Variants in PTPN13 observed in about 807,000 individuals in gnomAD.
PTPN13 encodes tyrosine-protein phosphatase non-receptor type 13.
Under a neutral mutation model 284.0 loss-of-function variants are expected in PTPN13, and 191 were observed. The observed-to-expected ratio is 0.67, with a 90% CI of 0.60 to 0.76. The LOEUF (loss-of-function observed/expected upper bound fraction) is 0.76, where lower values mean the gene tolerates loss of function less well. PTPN13 is among the 30% of genes least tolerant of loss of function. The pLI, the probability that PTPN13 is intolerant of heterozygous loss-of-function variation, is 0.00. For synonymous variants in PTPN13, 986 were observed against 1,022.3 expected, an observed-to-expected ratio of 0.96 and a Z score of 0.68; for missense variants, 2,797 against 2,939.9, an observed-to-expected ratio of 0.95 and a Z score of 1.12.
intron 3 of PTPN13, among the ~76,000 whole-genome samples, chr4:86,674,969 C>A (rs1185245779): frequency 1.3e-5 from 2 of 152,090 alleles, no homozygotes; most frequent in Non-Finnish European, 2.9e-5. Flanking sequence ...ATTATGAATT[C>A]TTTCTGTAAG....
intron 2 of PTPN13, among the ~76,000 whole-genome samples, chr4:86,651,934 A>T (rs1352349596): frequency 6.6e-6 from 1 of 152,122 alleles, no homozygotes; most frequent in Non-Finnish European, 1.5e-5. Flanking sequence ...CCAATTAGCC[A>T]GATGCAGTGG....
In PTPN13 at chr4:86,767,140, C is replaced by T. The variant is rs562399252; in HGVS notation, c.4329+623C>T. ...GGGCGGGGGGTCTCCCTATGTTGCC[C>T]ATGCTGGTCTCGAACTCCTAGACAA... On this transcript the variant is annotated intron_variant, in intron 27 of 47. Transcript: ENST00000411767. 3.4e-4 allele frequency among the ~76,000 whole-genome samples: 51 copies of T among 151,968 alleles called. 1 individual carries two copies. Among genetic ancestry groups the T allele is most frequent in the African/African-American group, 1.2e-3 (49 of 41,450 alleles).
chr4:86,624,016 A>G (rs1488502344), intron 1 of PTPN13, among the ~76,000 whole-genome samples: 1 of 152,204 alleles, frequency 6.6e-6, no homozygotes, highest in African/African-American at 2.4e-5. Context: ...GGCTCATAGT[A>G]AATAATAAAT....
intron 4 of PTPN13, 122 bp from the exon 5 acceptor site, chr4:86,688,883 A>G (rs955116914): frequency 1.3e-4 from 85 of 663,810 alleles, no homozygotes; most frequent in Non-Finnish European, 1.9e-4. Flanking sequence ...AAAGGAATTT[A>G]TTTCCTCCAA....
At chr4:86,604,361 A>C (rs1764567535) in intron 1 of PTPN13, among the ~76,000 whole-genome samples, 1 of 152,074 alleles carries the variant, frequency 6.6e-6, no homozygotes, top group African/African-American at 2.4e-5. Context: ...GTTTACCTTT[A>C]CTTCCCTCTT....
intron 1 of PTPN13, among the ~76,000 whole-genome samples, chr4:86,606,001 G>C (rs910341560): frequency 6.6e-6 from 1 of 151,874 alleles, no homozygotes. Flanking sequence ...AGTCTATAAT[G>C]GTCAAGTAAA....
intron 1 of PTPN13, among the ~76,000 whole-genome samples, chr4:86,621,316 C>T (rs111229729): frequency 6.6e-6 from 1 of 151,950 alleles, no homozygotes; most frequent in African/African-American, 2.4e-5. Context: ...TAGACTTTAC[C>T]GTATAAATTT....
chr4:86,738,224 A>G (rs1452984597), intron 15 of PTPN13, among the ~76,000 whole-genome samples: 1 of 152,188 alleles, frequency 6.6e-6, no homozygotes, highest in Admixed American at 6.5e-5. Flanking sequence ...CTGAGTAAAT[A>G]TCTAGCAGTA....
At chr4:86,734,502 T>G (rs1735278927) in intron 13 of PTPN13, 46 bp downstream of exon 13, 2 of 1,445,296 alleles carry the variant, frequency 1.4e-6, no homozygotes, top group African/African-American at 2.9e-5. Context: ...GACACTGGTC[T>G]TTTGACCCTT....
chr4:86,794,952 A>G (rs1171008215), intron 40 of PTPN13, among the ~76,000 whole-genome samples: 1 of 152,222 alleles, frequency 6.6e-6, no homozygotes, highest in African/African-American at 2.4e-5. Flanking sequence ...ACCGTAGAAG[A>G]AAACCTAGGT....
In PTPN13 at chr4:86,774,723, T is replaced by A. The variant is rs201814838; in HGVS notation, c.5508+192T>A. On this transcript the variant is annotated intron_variant, in intron 33 of 47. Coordinates refer to ENST00000411767, the MANE Select transcript of PTPN13 (RefSeq NM_080683.3). ...ATTTTATATATATATATATATATATTTTTTACTATACTTTAAGTTCTAGGG... is the reference window on the plus strand; with the variant it reads ...ATTTTATATATATATATATATATATATTTTACTATACTTTAAGTTCTAGGG... 6.4e-3 allele frequency among the ~76,000 whole-genome samples: 959 copies of A among 149,606 alleles called. 15 individuals carry two copies. Among genetic ancestry groups the A allele is most frequent in the East Asian group, 0.053 (269 of 5,080 alleles).
rs1043481528 is a variant in PTPN13 at position 86,750,775 on chromosome 4, A to G, written c.2956A>G (p.Ile986Val). The G allele has an allele frequency of 1.2e-6, 2 of 1,613,666 alleles. No homozygotes were observed. Among genetic ancestry groups the G allele is most frequent in the Non-Finnish European group, 8.5e-7 (1 of 1,179,728 alleles). Reference protein sequence around the residue: ...ASLYPHRKNVIVNMEPPPQTV... With the variant: ...ASLYPHRKNVVVNMEPPPQTV... Reference sequence around the variant, plus strand: ...TCTCTATCCACATCGGAAAAATGTCATTGTTAACATGGAACCCCCACCACA... The same window carrying G: ...TCTCTATCCACATCGGAAAAATGTCGTTGTTAACATGGAACCCCCACCACA... Residue 986 changes from isoleucine to valine, a missense_variant, in exon 18 of 48, where the codon ATT (isoleucine) becomes GTT (valine). Physicochemically the swap from Ile to Val is conservative, Grantham distance 29. Coordinates refer to ENST00000411767, the MANE Select transcript of PTPN13 (RefSeq NM_080683.3).
At chr4:86,694,319 G>T (rs1440754059) in intron 6 of PTPN13, among the ~76,000 whole-genome samples, 1 of 151,436 alleles carries the variant, frequency 6.6e-6, no homozygotes, top group Non-Finnish European at 1.5e-5. Flanking sequence ...GGTGGCTCAC[G>T]CCTGTAATCC....
chr4:86,689,556 T>C, intron 5 of PTPN13: 1 of 657,296 alleles, frequency 1.5e-6, no homozygotes, highest in Non-Finnish European at 2.7e-6. Flanking sequence ...TTTAGAAATA[T>C]TTAAATGTAC....
chr4:86,701,591 G>A lies in PTPN13; in HGVS notation c.985G>A (p.Val329Ile), dbSNP rs1308410424. 6.2e-7 allele frequency: 1 copy of A among 1,613,900 alleles called. No individual in the cohort carries two copies. Among genetic ancestry groups the A allele is most frequent in the Admixed American group, 1.7e-5 (1 of 60,022 alleles). ...ATYRRCHPEA[V>I]TVRTSTTPRK... ...ATATCGTCGTTGTCACCCTGAGGCAGTAACAGTGCGGACTTCAACTACTCC... is the reference window on the plus strand; with the variant it reads ...ATATCGTCGTTGTCACCCTGAGGCAATAACAGTGCGGACTTCAACTACTCC... The change falls in exon 7 of 48, where the codon GTA becomes ATA. Residue 329 changes from valine to isoleucine, a missense_variant. Coordinates refer to ENST00000411767, the MANE Select transcript of PTPN13 (RefSeq NM_080683.3).
At chr4:86,705,117 C>T (rs1387275375) in intron 7 of PTPN13, among the ~76,000 whole-genome samples, 7 of 151,934 alleles carry the variant, frequency 4.6e-5, no homozygotes, top group African/African-American at 1.2e-4. Context: ...GGGCAGATCA[C>T]GAGGTCAGGA....
At chr4:86,604,065 T>A (rs529862115) in intron 1 of PTPN13, among the ~76,000 whole-genome samples, 4 of 152,198 alleles carry the variant, frequency 2.6e-5, no homozygotes, top group African/African-American at 9.6e-5. Context: ...TGTTTAGCTT[T>A]TGTGAAAACT....
intron 19 of PTPN13, 36 bp downstream of exon 19, chr4:86,751,160 C>T: frequency 1.4e-6 from 2 of 1,401,002 alleles, no homozygotes; most frequent in Non-Finnish European, 2.0e-6. Context: ...TTGTCCCATA[C>T]CTCATGCTCA....
Position 86,672,406 on chromosome 4 carries a change from C to G in PTPN13, c.157C>G (p.Pro53Ala). The change falls in exon 3 of 48, where the codon CCA (proline) becomes GCA (alanine). Residue 53 changes from proline to alanine, a missense_variant. By Grantham distance (27) the Pro-to-Ala change is conservative. Transcript: ENST00000411767. ...DPAALGFIIS[P>A]WSLLLLPSGS... ...TGCTGCCCTTGGCTTCATCATTTCT[C>G]CATGGTCTCTGCTGTTGCTGCCATC... 3.2e-6 allele frequency: 5 copies of G among 1,557,674 alleles called. No individual in the cohort carries two copies. The highest frequency in any genetic ancestry group is 4.3e-6 in the Non-Finnish European group (5 of 1,150,054).
Sources: allele counts gnomAD v4.1 joint callset (sites outside exome capture counted in the v4.1 genomes callset), GRCh38; gene constraint gnomAD v4.1.1; transcripts MANE v1.5; gene names NCBI Gene and HGNC (gene_info 2026-07-23, HGNC 2026-07-21).